C9orf85: variants seen among roughly 807,000 people sequenced by gnomAD.
C9orf85 encodes the protein chromosome 9 open reading frame 85, also known as uncharacterized protein C9orf85.
In C9orf85, 16 loss-of-function variants were observed where a neutral mutation model predicts 14.9. That is an observed-to-expected ratio of 1.08 (90% confidence interval 0.73 to 1.63). C9orf85 has a LOEUF of 1.63. C9orf85 is among the 40% of genes most tolerant of loss of function. The pLI, the probability that C9orf85 is intolerant of heterozygous loss-of-function variation, is 0.00. For synonymous variants in C9orf85, 45 were observed against 56.8 expected (o/e 0.79, Z 0.93); for missense variants, 172 against 186.1 (o/e 0.92, Z 0.44).
downstream of C9orf85, among the ~76,000 whole-genome samples, chr9:71,976,204 TTTTG>T (rs1289484644): frequency 1.3e-5 from 2 of 152,236 alleles, no homozygotes; most frequent in African/African-American, 4.8e-5. Context: ...GAAGGCTTTG[TTTTG>T]TTTTAATGAA....
intron 1 of C9orf85, among the ~76,000 whole-genome samples, chr9:71,922,338 A>C (rs1827832251): frequency 6.6e-6 from 1 of 151,990 alleles, no homozygotes; most frequent in African/African-American, 2.4e-5. Context: ...CCAACCTTTC[A>C]ATGCTCCCTC....
chr9:71,941,094 T>C (rs946837674), intron 1 of C9orf85, among the ~76,000 whole-genome samples: 3 of 152,206 alleles, frequency 2.0e-5, no homozygotes, highest in South Asian at 4.1e-4. Context: ...TTAAAATGGG[T>C]GAATTTTTTG....
At chr9:71,962,304 C>G (rs753530291) in intron 2 of C9orf85, among the ~76,000 whole-genome samples, 1 of 152,138 alleles carries the variant, frequency 6.6e-6, no homozygotes, top group Non-Finnish European at 1.5e-5. Flanking sequence ...TTCTTATACT[C>G]GAGATACTTA....
intron 3 of C9orf85, among the ~76,000 whole-genome samples, chr9:71,980,715 A>G (rs1274279275): frequency 6.6e-6 from 1 of 152,138 alleles, no homozygotes; most frequent in African/African-American, 2.4e-5. Context: ...TTCACCCAAA[A>G]ACATTCTGAG....
chr9:71,985,701 AT>A (rs1823199709), downstream of C9orf85: 1 of 152,230 alleles, frequency 6.6e-6, no homozygotes, highest in South Asian at 2.1e-4. Context: ...GACCATTGTT[AT>A]GCGGTTATAG....
intron 2 of C9orf85, among the ~76,000 whole-genome samples, chr9:71,966,515 G>A (rs1285566743): frequency 6.6e-6 from 1 of 152,062 alleles, no homozygotes; most frequent in East Asian, 1.9e-4. Context: ...TTTTTCCCCT[G>A]AAGTTTTGGT....
intron 1 of C9orf85, among the ~76,000 whole-genome samples, chr9:71,916,509 A>G (rs188119083): frequency 7.2e-5 from 11 of 152,268 alleles, no homozygotes; most frequent in East Asian, 1.9e-4. Flanking sequence ...TTGCTTGGCT[A>G]TGGAACGCTT....
At chr9:71,914,090 T>C (rs1225349487) in intron 1 of C9orf85, among the ~76,000 whole-genome samples, 1 of 152,230 alleles carries the variant, frequency 6.6e-6, no homozygotes, top group African/African-American at 2.4e-5. Context: ...GCATCTGCTA[T>C]GAGTAGCCAT....
chr9:71,954,052 G>GC (rs1822314439), intron 2 of C9orf85, among the ~76,000 whole-genome samples: 1 of 150,704 alleles, frequency 6.6e-6, no homozygotes. Flanking sequence ...AGTCAAGGCA[G>GC]CAGTGAGCTG....
At position 71,952,753 on chromosome 9, in the gene C9orf85, A is replaced by G. The variant is rs145880063; in HGVS notation, c.209+5641A>G. Among the ~76,000 whole-genome samples, 301 of 152,160 alleles carry G rather than the reference A, an allele frequency of 2.0e-3. 2 individuals carry two copies. The highest frequency in any genetic ancestry group is 7.1e-3 in the African/African-American group (295 of 41,494). ...TGAAATGCCTATGCTGGTACCTAGAAACCTTTTTTGACTTTTATTTCAGGT... is the reference window on the plus strand; with the variant it reads ...TGAAATGCCTATGCTGGTACCTAGAGACCTTTTTTGACTTTTATTTCAGGT... On this transcript the variant is annotated intron_variant, in intron 2 of 3. Transcript: ENST00000334731.
At chr9:71,981,011 A>T (rs1213353186) in intron 3 of C9orf85, among the ~76,000 whole-genome samples, 1 of 152,214 alleles carries the variant, frequency 6.6e-6, no homozygotes, top group Non-Finnish European at 1.5e-5. Flanking sequence ...TAATGCTGGA[A>T]ATGCTTAATG....
Position 71,973,240 on chromosome 9 carries a change from G to A in C9orf85, c.*398G>A, listed in dbSNP as rs1320289227. On this transcript the variant is annotated 3_prime_UTR_variant, in exon 4 of 4. Coordinates refer to ENST00000334731, the MANE Select transcript of C9orf85 (RefSeq NM_182505.5). The stretch of plus-strand genomic sequence containing the variant: ...AAAAGATATTTGAAATCCTAATGAG[G>A]AAATCAGAAAAAGCTATGGAAAAAT... The A allele has an allele frequency of 6.6e-6, 1 of 152,226 alleles. No homozygotes were observed. Among genetic ancestry groups the A allele is most frequent in the African/African-American group, 2.4e-5 (1 of 41,402 alleles). 9.4% of individuals were successfully genotyped at this position (152,226 alleles called of 1,614,324 possible).
intron 2 of C9orf85, 69 bp from the exon 3 acceptor site, chr9:71,971,436 A>G (rs940255552): frequency 3.3e-6 from 3 of 922,498 alleles, no homozygotes; most frequent in Non-Finnish European, 4.8e-6. Context: ...ATACATTTAG[A>G]CACATCTTAT....
intron 3 of C9orf85, among the ~76,000 whole-genome samples, chr9:71,982,295 A>G (rs1196323743): frequency 6.6e-6 from 1 of 151,972 alleles, no homozygotes; most frequent in Non-Finnish European, 1.5e-5. Flanking sequence ...TACCCCTTCA[A>G]ATTTGGATTG....
chr9:71,917,170 G>A (rs1253411098), intron 1 of C9orf85, among the ~76,000 whole-genome samples: 1 of 152,230 alleles, frequency 6.6e-6, no homozygotes, highest in Non-Finnish European at 1.5e-5. Context: ...ATTTTTGGGT[G>A]TAATGGAAGC....
intron 2 of C9orf85, among the ~76,000 whole-genome samples, chr9:71,957,278 AG>A (rs1440589319): frequency 6.6e-6 from 1 of 152,210 alleles, no homozygotes; most frequent in Non-Finnish European, 1.5e-5. Flanking sequence ...TAGAAGATGA[AG>A]TTCATATCAG....
intron 1 of C9orf85, among the ~76,000 whole-genome samples, chr9:71,919,638 A>T (rs1827742251): frequency 6.6e-6 from 1 of 152,164 alleles, no homozygotes; most frequent in Admixed American, 6.6e-5. Flanking sequence ...TATGATATAC[A>T]TAATATTATA....
intron 1 of C9orf85, among the ~76,000 whole-genome samples, chr9:71,930,985 C>G (rs1422838310): frequency 6.6e-6 from 1 of 152,070 alleles, no homozygotes; most frequent in Admixed American, 6.5e-5. Context: ...GGAATAGTCT[C>G]CCAACCTTCG....
chr9:71,934,810 C>T (rs1331261126), intron 1 of C9orf85, among the ~76,000 whole-genome samples: 2 of 151,922 alleles, frequency 1.3e-5, no homozygotes, highest in African/African-American at 4.8e-5. Context: ...GCAGAGTATG[C>T]AGTGAGCCAA....
Sources: gnomAD v4.1 joint callset for allele counts (sites outside exome capture counted in the v4.1 genomes callset) on GRCh38, gnomAD v4.1.1 for gene constraint, MANE v1.5 for transcripts, NCBI Gene and HGNC (gene_info 2026-07-23, HGNC 2026-07-21) for gene names.